The following RAPGEF2 variants were observed in gnomAD, a reference collection of about 807,000 sequenced individuals.
The protein encoded by RAPGEF2 is Rap guanine nucleotide exchange factor 2.
In RAPGEF2, 54 loss-of-function variants were observed where a neutral mutation model predicts 186.7. That is an observed-to-expected ratio of 0.29 (90% CI 0.23 to 0.36). RAPGEF2 has a LOEUF of 0.36. RAPGEF2 is among the 10% of genes least tolerant of loss of function. The pLI is 1.00. For synonymous variants in RAPGEF2, 712 were observed against 705.9 expected, an observed-to-expected ratio of 1.01 and a Z score of -0.14; for missense variants, 1,532 against 2,045.0, an observed-to-expected ratio of 0.75 and a Z score of 4.84.
chr4:159,220,412 C>T (rs751609904), intron 4 of RAPGEF2, among the ~76,000 whole-genome samples: 1 of 152,130 alleles, frequency 6.6e-6, no homozygotes, highest in Non-Finnish European at 1.5e-5. Context: ...AGAGCAAAAG[C>T]ACTTCATGCT....
intron 1 of RAPGEF2, among the ~76,000 whole-genome samples, chr4:159,171,343 C>G (rs1484936199): frequency 6.6e-6 from 1 of 152,168 alleles, no homozygotes; most frequent in East Asian, 1.9e-4. Flanking sequence ...CGTCAAGGCA[C>G]TGATGATTCG....
intron 4 of RAPGEF2, among the ~76,000 whole-genome samples, chr4:159,238,049 AT>A (rs1561126161): frequency 6.6e-6 from 1 of 151,742 alleles, no homozygotes; most frequent in African/African-American, 2.4e-5. Flanking sequence ...GGAAGGAAAG[AT>A]TTTTGTGAAT....
chr4:159,167,744 A>G (rs1183227990), intron 1 of RAPGEF2, among the ~76,000 whole-genome samples: 4 of 152,248 alleles, frequency 2.6e-5, no homozygotes, highest in Non-Finnish European at 4.4e-5. Context: ...CACAAGAAGA[A>G]AAAAGGATTT....
intron 8 of RAPGEF2, among the ~76,000 whole-genome samples, chr4:159,309,647 T>A (rs1355852313): frequency 6.6e-6 from 1 of 152,156 alleles, no homozygotes; most frequent in Non-Finnish European, 1.5e-5. Context: ...TGTTGGTGAT[T>A]GAAAGCTTTA....
At chr4:159,156,532 G>A (rs1395167302) in intron 1 of RAPGEF2, among the ~76,000 whole-genome samples, 1 of 151,782 alleles carries the variant, frequency 6.6e-6, no homozygotes, top group South Asian at 2.1e-4. Context: ...TGTGCACAAT[G>A]TGCAGGTTTG....
intron 9 of RAPGEF2, among the ~76,000 whole-genome samples, chr4:159,315,289 G>A (rs1764431732): frequency 6.6e-6 from 1 of 151,340 alleles, no homozygotes; most frequent in Admixed American, 6.6e-5. Context: ...TTCTTTTGCT[G>A]TTTTTGTCCT....
At chr4:159,136,416 G>T (rs1373857564) in intron 1 of RAPGEF2, among the ~76,000 whole-genome samples, 1 of 152,162 alleles carries the variant, frequency 6.6e-6, no homozygotes, top group Admixed American at 6.5e-5. Flanking sequence ...GTGAACAGTG[G>T]GTGTTGCTGG....
rs565275790 is a variant in RAPGEF2 at position 159,355,989 on chromosome 4, G to A, written c.4788G>A (p.Ser1596=). The A allele has an allele frequency of 1.7e-5, 27 of 1,611,544 alleles. No homozygotes were observed. In the Middle Eastern group the frequency reaches 4.9e-4, roughly 30 times the overall value. Residue 1596 remains serine (S), a synonymous_variant, in exon 29 of 30, where the codon TCG becomes TCA. Coordinates refer to ENST00000691494, the MANE Select transcript of RAPGEF2 (RefSeq NM_001394067.2). ...ACTACAACGTGGCCCTTCAGAGATC[G>A]CGGATGGTCGCACGATCCTCCGACA... ...PPDYNVALQR[S]RMVARSSDTA... is the part of the protein sequence containing the mutation.
chr4:159,288,191 T>C (rs1394517325), intron 7 of RAPGEF2, among the ~76,000 whole-genome samples: 1 of 152,186 alleles, frequency 6.6e-6, no homozygotes, highest in Non-Finnish European at 1.5e-5. Flanking sequence ...TGTTAAGTAC[T>C]TAGTCAAAGT....
At position 159,341,560 on chromosome 4, in the gene RAPGEF2, A is replaced by G. The variant is rs781007299; in HGVS notation, c.2535-4A>G. The G allele has an allele frequency of 1.3e-4, 205 of 1,570,906 alleles. No homozygotes were observed. The highest frequency in any genetic ancestry group is 1.5e-5 in the Non-Finnish European group (18 of 1,162,806). On this transcript the variant is annotated splice_polypyrimidine_tract_variant and splice_region_variant and intron_variant, in intron 19 of 29. Coordinates refer to ENST00000691494, the MANE Select transcript of RAPGEF2 (RefSeq NM_001394067.2). ...TGACTCTGATATGTTTCTGTTTTTCATAGGTATTATCTGAAAAACAACATG... is the reference window on the plus strand; with the variant it reads ...TGACTCTGATATGTTTCTGTTTTTCGTAGGTATTATCTGAAAAACAACATG...
rs35882271 is a variant in RAPGEF2 at position 159,108,383 on chromosome 4, CT to C, written c.69+4175del. On this transcript the variant is annotated intron_variant, in intron 1 of 29. Coordinates refer to ENST00000691494, the MANE Select transcript of RAPGEF2 (RefSeq NM_001394067.2). ...AAATGCTGGAATTTCACAGAACTTT[CT>C]TTTTTTTTTTTTTTTTTTTTTTAAG... is the stretch of plus-strand genomic sequence containing the variant. 6.7e-3 allele frequency among the ~76,000 whole-genome samples: 727 copies of C among 107,882 alleles called. 3 individuals carry two copies. The highest frequency in any genetic ancestry group is 0.016 in the African/African-American group (466 of 29,946). The allele number at this position is 107,882 out of a possible 152,430, so 70.8% of individuals were successfully genotyped here. A position where few individuals can be genotyped will look rare whatever the true frequency, so the allele number is the denominator to read the frequency against.
At chr4:159,322,703 T>C (rs547793216) in intron 10 of RAPGEF2, among the ~76,000 whole-genome samples, 1 of 152,316 alleles carries the variant, frequency 6.6e-6, no homozygotes, top group East Asian at 1.9e-4. Flanking sequence ...AGAGGTTTAA[T>C]TGGACTTACA....
chr4:159,250,444 C>T (rs1755176188), intron 7 of RAPGEF2, among the ~76,000 whole-genome samples: 1 of 152,058 alleles, frequency 6.6e-6, no homozygotes, highest in Non-Finnish European at 1.5e-5. Flanking sequence ...ATATGAATTG[C>T]TGATTTGGAT....
chr4:159,135,710 C>T (rs1741645243), intron 1 of RAPGEF2, among the ~76,000 whole-genome samples: 1 of 152,104 alleles, frequency 6.6e-6, no homozygotes, highest in South Asian at 2.1e-4. Flanking sequence ...AGCGATTTTC[C>T]AGCCTCAGCC....
chr4:159,342,553 A>ATTTTATTTTATT (rs1554041228), intron 20 of RAPGEF2, among the ~76,000 whole-genome samples: 39 of 71,962 alleles, frequency 5.4e-4, no homozygotes, highest in East Asian at 1.7e-3. Context: ...TTTATTTTAT[A>ATTTTATTTTATT]TTATTTTATT....
At chr4:159,172,824 C>A (rs1746053586) in intron 1 of RAPGEF2, among the ~76,000 whole-genome samples, 1 of 152,130 alleles carries the variant, frequency 6.6e-6, no homozygotes, top group East Asian at 1.9e-4. Context: ...CATATTTTTA[C>A]ATATTTTTAA....
At chr4:159,207,159 G>A (rs1462402783) in intron 3 of RAPGEF2, among the ~76,000 whole-genome samples, 1 of 152,190 alleles carries the variant, frequency 6.6e-6, no homozygotes, top group African/African-American at 2.4e-5. Context: ...GGAATGTAGA[G>A]AAACAGCCTA....
Position 159,353,017 on chromosome 4 carries a change from A to C in RAPGEF2, c.4091+107A>C. On this transcript the variant is annotated intron_variant, in intron 27 of 29. Coordinates refer to ENST00000691494, the MANE Select transcript of RAPGEF2 (RefSeq NM_001394067.2). This position sits in a 1 kb window ranked among gnomAD's most constrained non-coding sequence, Gnocchi z 4.3. Reference sequence around the variant, plus strand: ...TTTTATTTATTTTACATAATGCCTAAGAATTTTTCTGCCATCCCAGTTCTG... The same window carrying C: ...TTTTATTTATTTTACATAATGCCTACGAATTTTTCTGCCATCCCAGTTCTG... The C allele has an allele frequency of 9.0e-7, 1 of 1,109,048 alleles. No individual in the cohort carries two copies. The highest frequency in any genetic ancestry group is 1.3e-6 in the Non-Finnish European group (1 of 789,080). The allele number at this position is 1,109,048 out of a possible 1,614,324, so 68.7% of individuals were successfully genotyped here.
At chr4:159,256,757 A>G (rs990742029) in intron 7 of RAPGEF2, among the ~76,000 whole-genome samples, 5 of 152,176 alleles carry the variant, frequency 3.3e-5, no homozygotes, top group Admixed American at 1.3e-4. Context: ...GTGAGATGGT[A>G]TCTCATTGTG....
Sources: gnomAD v4.1 joint callset for allele counts (sites outside exome capture counted in the v4.1 genomes callset) on GRCh38, gnomAD v4.1.1 for gene constraint, Gnocchi (gnomAD v3.1) non-coding constraint, MANE v1.5 for transcripts, NCBI Gene and HGNC (gene_info 2026-07-23, HGNC 2026-07-21) for gene names.